Variants in CCDC88C observed in about 807,000 individuals in gnomAD.
The protein encoded by CCDC88C is coiled-coil and HOOK domain protein 88C.
Under a neutral mutation model 198.8 loss-of-function variants are expected in CCDC88C, and 131 were observed. The ratio of observed to expected loss-of-function variants is 0.66; its 90% CI spans 0.57 to 0.76. The LOEUF is 0.76. Among genes scored for constraint, CCDC88C ranks in the 30% least tolerant of loss-of-function variants. The probability of loss-of-function intolerance (pLI) is 0.00; values close to 1 mark genes in which losing one functional copy is unlikely to be tolerated. For synonymous variants in CCDC88C, 1,166 were observed against 1,114.7 expected, an observed-to-expected ratio of 1.05 and a Z score of -0.92; for missense variants, 2,553 against 2,631.6, an observed-to-expected ratio of 0.97 and a Z score of 0.65.
intron 10 of CCDC88C, among the ~76,000 whole-genome samples, chr14:91,326,389 C>G (rs918408205): frequency 6.6e-6 from 1 of 152,082 alleles, no homozygotes; most frequent in Non-Finnish European, 1.5e-5. Flanking sequence ...ATTTTTGTAT[C>G]TTTAGTAGAG....
intron 3 of CCDC88C, among the ~76,000 whole-genome samples, chr14:91,402,539 C>T (rs1886264753): frequency 6.6e-6 from 1 of 152,100 alleles, no homozygotes; most frequent in South Asian, 2.1e-4. Flanking sequence ...AGTGTGCACA[C>T]ACGCATATAT....
intron 3 of CCDC88C, among the ~76,000 whole-genome samples, chr14:91,394,183 AC>A (rs1019598633): frequency 1.3e-5 from 2 of 151,700 alleles, no homozygotes; most frequent in Non-Finnish European, 2.9e-5. Flanking sequence ...TTTAATTTCC[AC>A]CCCCCAGGGA....
At chr14:91,344,515 CTTTTTTT>C (rs796660357) in intron 4 of CCDC88C, among the ~76,000 whole-genome samples, 1 of 142,998 alleles carries the variant, frequency 7.0e-6, no homozygotes, top group African/African-American at 2.6e-5. Context: ...TAAAGCCATC[CTTTTTTT>C]TTTTTTTGAG....
intron 27 of CCDC88C, chr14:91,281,120 G>A (rs754584078): frequency 2.0e-6 from 1 of 490,846 alleles, no homozygotes; most frequent in South Asian, 1.5e-5. Context: ...CTGCAGCCAA[G>A]TGAGGACAGC....
intron 3 of CCDC88C, among the ~76,000 whole-genome samples, chr14:91,404,564 C>T (rs190108623): frequency 5.9e-5 from 9 of 152,334 alleles, no homozygotes; most frequent in East Asian, 1.9e-4. Context: ...GCTCCCAGCG[C>T]GGCTGCAGAT....
At position 91,273,759 on chromosome 14, in the gene CCDC88C, G is replaced by T; in HGVS notation, c.5059-106C>A. ...CCGAGCAGCCCACGTGGCTGGGACC[G>T]CAGTTCCTGCCTGCCTTCTCCGAGG... is the stretch of plus-strand genomic sequence containing the variant. On this transcript the variant is annotated intron_variant, in intron 29 of 29. Transcript: ENST00000389857. This position sits in a 1 kb window ranked among gnomAD's most constrained non-coding sequence, Gnocchi z 5.6. The T allele has an allele frequency of 3.1e-6, 3 of 955,520 alleles. No individual in the cohort carries two copies. Among genetic ancestry groups the T allele is most frequent in the Non-Finnish European group, 4.3e-6 (3 of 699,956 alleles). The allele number at this position is 955,520 out of a possible 1,614,324, so 59.2% of individuals were successfully genotyped here.
rs868099956 is a variant in CCDC88C at position 91,355,955 on chromosome 14, C to T, written c.340+3687G>A. 4.1e-4 allele frequency among the ~76,000 whole-genome samples: 62 copies of T among 152,130 alleles called. No homozygotes were observed. In the Middle Eastern group the frequency reaches 0.01, roughly 25 times the overall value. On this transcript the variant is annotated intron_variant, in intron 4 of 29. Transcript: ENST00000389857. ...AGAAAAGTTACCCCAAACTATAAAA[C>T]GTTATAAATAACAGTACAGTGTTAG...
chr14:91,318,163 T>C (rs989198707), intron 13 of CCDC88C, among the ~76,000 whole-genome samples: 5 of 152,080 alleles, frequency 3.3e-5, no homozygotes, highest in African/African-American at 4.8e-5. Flanking sequence ...CTCACACCTG[T>C]GCTCCTAGCA....
Position 91,288,654 on chromosome 14 carries a change from A to T in CCDC88C, c.4441+451T>A, listed in dbSNP as rs1328898959. The stretch of plus-strand genomic sequence containing the variant: ...CGTGGCAGCTCACGCCTGTAATCCA[A>T]CAGTTTGGGAGGCTGAGGCGGGTGG... On this transcript the variant is annotated intron_variant, in intron 25 of 29. Coordinates refer to ENST00000389857, the MANE Select transcript of CCDC88C (RefSeq NM_001080414.4). The surrounding 1 kb of genome is among the most constrained non-coding windows in gnomAD (Gnocchi z 4.2). The T allele has an allele frequency of 1.9e-5, 3 of 156,610 alleles. No individual in the cohort carries two copies. The highest frequency in any genetic ancestry group is 4.2e-5 in the Non-Finnish European group (3 of 70,628). The allele number at this position is 156,610 out of a possible 1,614,324, so 9.7% of individuals were successfully genotyped here. A position where few individuals can be genotyped will look rare whatever the true frequency, so the allele number is the denominator to read the frequency against.
At chr14:91,415,470 A>C (rs1042087668) in intron 2 of CCDC88C, among the ~76,000 whole-genome samples, 1 of 152,186 alleles carries the variant, frequency 6.6e-6, no homozygotes, top group Non-Finnish European at 1.5e-5. Flanking sequence ...CATGCCTGTA[A>C]TCCCAGCACT....
rs1890510732 is a variant in CCDC88C, at chr14:91,288,397, C to A, written c.4441+708G>T. Among the ~76,000 whole-genome samples, 9 of 152,310 alleles carry A rather than the reference C, an allele frequency of 5.9e-5. No individual in the cohort carries two copies. The South Asian group carries it at 1.9e-3, about 32-fold the overall frequency. ...ACCTTTCAAAGTGGTAACAGATAAACCACCCAAGGCTTTCGGGAGGTCTTA... is the reference window on the plus strand; with the variant it reads ...ACCTTTCAAAGTGGTAACAGATAAAACACCCAAGGCTTTCGGGAGGTCTTA... On this transcript the variant is annotated intron_variant, in intron 25 of 29. Transcript: ENST00000389857. This position sits in a 1 kb window ranked among gnomAD's most constrained non-coding sequence, Gnocchi z 4.2.
Position 91,417,716 on chromosome 14 carries a change from CG to C in CCDC88C, c.-27del, listed in dbSNP as rs1251648936. 1.4e-6 allele frequency: 2 copies of C among 1,481,318 alleles called. No homozygotes were observed. The highest frequency in any genetic ancestry group is 1.8e-6 in the Non-Finnish European group (2 of 1,117,110). The allele number at this position is 1,481,318 out of a possible 1,614,324, so 91.8% of individuals were successfully genotyped here. ...GCTGAGGCTGCGCCCGCCGGCTCCG[CG>C]CCCCCCGCCCCGCGTCCCCGTTCCC... On this transcript the variant is annotated 5_prime_UTR_variant, in exon 1 of 30. Coordinates refer to ENST00000389857, the MANE Select transcript of CCDC88C (RefSeq NM_001080414.4).
At chr14:91,312,993 T>A in intron 15 of CCDC88C, 87 bp downstream of exon 15, 5 of 1,003,836 alleles carry the variant, frequency 5.0e-6, no homozygotes, top group Non-Finnish European at 7.3e-6. Context: ...GGACACAGAG[T>A]CTTATTTCTC....
intron 3 of CCDC88C, among the ~76,000 whole-genome samples, chr14:91,392,800 TGA>T (rs1491269878): frequency 5.3e-5 from 8 of 151,394 alleles, no homozygotes; most frequent in Non-Finnish European, 7.4e-5. Flanking sequence ...TCACTCTCAC[TGA>T]GCCCCCTCAC....
intron 28 of CCDC88C, 58 bp downstream of exon 28, chr14:91,279,180 G>A (rs1304522753): frequency 1.1e-5 from 15 of 1,423,312 alleles, no homozygotes; most frequent in South Asian, 4.9e-5. Flanking sequence ...TTATAGGCAT[G>A]AGCCACTGTG....
chr14:91,350,317 C>T (rs577261368), intron 4 of CCDC88C, among the ~76,000 whole-genome samples: 20 of 152,140 alleles, frequency 1.3e-4, no homozygotes, highest in East Asian at 3.9e-4. Context: ...CCCACCACCA[C>T]GCCTGGCTAA....
chr14:91,309,011 G>C (rs1441672299), intron 16 of CCDC88C, among the ~76,000 whole-genome samples: 1 of 152,184 alleles, frequency 6.6e-6, no homozygotes, highest in Admixed American at 6.5e-5. Flanking sequence ...AGGATCACTT[G>C]AGGTCAGGCG....
intron 20 of CCDC88C, among the ~76,000 whole-genome samples, chr14:91,300,288 C>T (rs1891215830): frequency 6.6e-6 from 1 of 152,228 alleles, no homozygotes; most frequent in Non-Finnish European, 1.5e-5. Context: ...CCAGAATCCT[C>T]TTCCTCCAGC....
At position 91,371,243 on chromosome 14, in the gene CCDC88C, CT is replaced by C. The variant is rs112623897; in HGVS notation, c.271-11533del. ...ACTGTGACTTCATGGTGGTAGAGTA[CT>C]TTTTTTTTTTAAGCTTCTTGGCAAA... is the stretch of plus-strand genomic sequence containing the variant. On this transcript the variant is annotated intron_variant, in intron 3 of 29. Coordinates refer to ENST00000389857, the MANE Select transcript of CCDC88C (RefSeq NM_001080414.4). The surrounding 1 kb of genome is among the most constrained non-coding windows in gnomAD (Gnocchi z 4.2). 1.8e-4 allele frequency among the ~76,000 whole-genome samples: 27 copies of C among 148,108 alleles called. No individual in the cohort carries two copies. Among genetic ancestry groups the C allele is most frequent in the East Asian group, 2.0e-4 (1 of 5,084 alleles).
Sources: allele counts gnomAD v4.1 joint callset (sites outside exome capture counted in the v4.1 genomes callset), GRCh38; gene constraint gnomAD v4.1.1; non-coding constraint Gnocchi (gnomAD v3.1); transcripts MANE v1.5; gene names NCBI Gene and HGNC (gene_info 2026-07-23, HGNC 2026-07-21).